The following CCDC138 variants were observed in gnomAD, a reference collection of about 807,000 sequenced individuals.
CCDC138 encodes coiled-coil domain containing 138, also known as coiled-coil domain-containing protein 138.
Under a neutral mutation model 82.3 loss-of-function variants are expected in CCDC138, and 66 were observed. The ratio of observed to expected loss-of-function variants is 0.80; its 90% CI spans 0.66 to 0.98. The LOEUF (loss-of-function observed/expected upper bound fraction) is 0.98. Among genes scored for constraint, CCDC138 ranks in the 50% least tolerant of loss-of-function variants. The pLI is 0.00. For synonymous variants in CCDC138, 297 were observed against 265.4 expected (o/e 1.12, Z -1.16); for missense variants, 816 against 758.9 (o/e 1.08, Z -0.88).
intron 13 of CCDC138, among the ~76,000 whole-genome samples, chr2:108,858,376 C>T (rs763706199): frequency 3.9e-5 from 6 of 151,980 alleles, no homozygotes; most frequent in South Asian, 2.1e-4. Flanking sequence ...AAAACACCAA[C>T]GCTGTGCCCT....
intron 12 of CCDC138, among the ~76,000 whole-genome samples, chr2:108,851,013 C>T (rs1558731776): frequency 6.6e-6 from 1 of 152,174 alleles, no homozygotes. Context: ...GTTGCAAGTC[C>T]GGCCCTCTGG....
intron 13 of CCDC138, among the ~76,000 whole-genome samples, chr2:108,861,391 G>A (rs1693578016): frequency 6.7e-6 from 1 of 149,250 alleles, no homozygotes; most frequent in Non-Finnish European, 1.5e-5. Context: ...TGTTTTTCTA[G>A]TTCCTGTAGG....
intron 13 of CCDC138, among the ~76,000 whole-genome samples, chr2:108,865,920 T>A (rs1293697522): frequency 6.6e-6 from 1 of 152,114 alleles, no homozygotes; most frequent in African/African-American, 2.4e-5. Context: ...TAAACCAGTT[T>A]TCTGGGTAGT....
chr2:108,857,779 A>G (rs1692867934), intron 13 of CCDC138, among the ~76,000 whole-genome samples: 1 of 152,234 alleles, frequency 6.6e-6, no homozygotes, highest in Non-Finnish European at 1.5e-5. Flanking sequence ...TTAAGTGCCT[A>G]GATTCCCAAC....
downstream of CCDC138, among the ~76,000 whole-genome samples, chr2:108,877,011 T>C (rs1696065505): frequency 6.6e-6 from 1 of 152,172 alleles, no homozygotes; most frequent in South Asian, 2.1e-4. Flanking sequence ...TAAAATCATA[T>C]ATGATCAGTG....
intron 3 of CCDC138, among the ~76,000 whole-genome samples, chr2:108,790,842 C>G (rs1438324031): frequency 1.3e-5 from 2 of 152,184 alleles, no homozygotes; most frequent in African/African-American, 4.8e-5. Flanking sequence ...GCCTCCAACT[C>G]CTGGGCTCAA....
At chr2:108,821,682 T>C (rs1685729121) in intron 10 of CCDC138, among the ~76,000 whole-genome samples, 1 of 151,912 alleles carries the variant, frequency 6.6e-6, no homozygotes, top group Non-Finnish European at 1.5e-5. Flanking sequence ...TGGTGCCTCA[T>C]GCCTCCAATC....
chr2:108,787,081 G>T (rs1248766962), intron 1 of CCDC138, among the ~76,000 whole-genome samples, 166 bp downstream of exon 1: 1 of 152,076 alleles, frequency 6.6e-6, no homozygotes, highest in Non-Finnish European at 1.5e-5. Flanking sequence ...GGAGGGGCGG[G>T]CGTTGCGCTG....
At chr2:108,796,209 C>T (rs6757436) in intron 5 of CCDC138, among the ~76,000 whole-genome samples, 5,479 of 151,792 alleles carry the variant, frequency 0.036, 173 homozygotes, top group Middle Eastern at 0.075. Context: ...CCACCGCGCC[C>T]GGCTAATTTT....
At chr2:108,788,991 T>G (rs867162494) in intron 3 of CCDC138, 25 bp downstream of exon 3, 1 of 1,612,226 alleles carries the variant, frequency 6.2e-7, no homozygotes, top group Middle Eastern at 1.7e-4. Flanking sequence ...AACTTTACTG[T>G]TGCTACCCCC....
At chr2:108,811,484 C>G (rs1355718524) in intron 7 of CCDC138, among the ~76,000 whole-genome samples, 2 of 151,950 alleles carry the variant, frequency 1.3e-5, no homozygotes, top group Non-Finnish European at 2.9e-5. Flanking sequence ...CTCAAGTGAT[C>G]CTCCTGCCTC....
At position 108,812,648 on chromosome 2, in the gene CCDC138, AG is replaced by A; in HGVS notation, c.874del (p.Glu292LysfsTer5). ...CCCTTTAGTTAAATGAAGCAAGTGA[AG>A]AAAACAGGAAGATAGACATTCAGGC... ...LKKQLNEASE[E>X]NRKIDIQAKR... On this transcript the variant is annotated frameshift_variant, in exon 8 of 15. Transcript: ENST00000295124. LOFTEE classifies it high-confidence loss of function. 1.9e-6 allele frequency: 3 copies of A among 1,612,670 alleles called. No homozygotes were observed. The highest frequency in any genetic ancestry group is 2.5e-6 in the Non-Finnish European group (3 of 1,178,758).
At position 108,856,990 on chromosome 2, in the gene CCDC138, A is replaced by G. The variant is rs1489358899; in HGVS notation, c.1693+20A>G. 4.7e-6 allele frequency: 6 copies of G among 1,288,828 alleles called. No homozygotes were observed. Among genetic ancestry groups the G allele is most frequent in the African/African-American group, 1.6e-5 (1 of 63,074 alleles). 79.8% of individuals were successfully genotyped at this position (1,288,828 alleles called of 1,614,324 possible). A position where few individuals can be genotyped will look rare whatever the true frequency, so the allele number is the denominator to read the frequency against. On this transcript the variant is annotated intron_variant, in intron 13 of 14. Transcript: ENST00000295124. Reference sequence around the variant, plus strand: ...AATCTAGTAAGTTTTTAAGTTCTATATGTGTAAAGAAAGCAGGATGATTTT... The same window carrying G: ...AATCTAGTAAGTTTTTAAGTTCTATGTGTGTAAAGAAAGCAGGATGATTTT...
At chr2:108,885,446 A>G (rs1456191609) in exon 3 of CCDC138, 13 of 152,232 alleles carry the variant, frequency 8.5e-5, no homozygotes, top group Non-Finnish European at 4.4e-5. Context: ...TCTCACTTTA[A>G]TGAAAAGTTA....
At chr2:108,824,438 G>T (rs1686227265) in intron 10 of CCDC138, among the ~76,000 whole-genome samples, 1 of 152,026 alleles carries the variant, frequency 6.6e-6, no homozygotes, top group African/African-American at 2.4e-5. Context: ...CTTACACAGG[G>T]TCAGGATAAT....
intron 12 of CCDC138, among the ~76,000 whole-genome samples, chr2:108,850,439 G>GT (rs983456857): frequency 2.6e-5 from 4 of 151,850 alleles, no homozygotes; most frequent in African/African-American, 4.8e-5. Context: ...TACTTGGCGA[G>GT]TTTTTTTTGT....
At chr2:108,874,508 C>A (rs536578608) in intron 14 of CCDC138, among the ~76,000 whole-genome samples, 1 of 152,252 alleles carries the variant, frequency 6.6e-6, no homozygotes, top group Admixed American at 6.5e-5. Flanking sequence ...ATAACAGTAA[C>A]ATTTTTATTT....
chr2:108,800,676 T>C (rs1681788390), intron 6 of CCDC138, among the ~76,000 whole-genome samples: 1 of 119,654 alleles, frequency 8.4e-6, no homozygotes, highest in Non-Finnish European at 1.7e-5. Context: ...GTGCACATTG[T>C]GCAGGTTAGT....
At chr2:108,864,196 G>A (rs1301349061) in intron 13 of CCDC138, among the ~76,000 whole-genome samples, 1 of 152,074 alleles carries the variant, frequency 6.6e-6, no homozygotes, top group East Asian at 1.9e-4. Flanking sequence ...TATGATGGGG[G>A]ATAAAATCTA....
Sources: allele counts gnomAD v4.1 joint callset (sites outside exome capture counted in the v4.1 genomes callset), GRCh38; gene constraint gnomAD v4.1.1; transcripts MANE v1.5; gene names NCBI Gene and HGNC (gene_info 2026-07-23, HGNC 2026-07-21).